Variants in MRTFA observed in about 807,000 individuals in gnomAD.
MRTFA encodes myocardin related transcription factor A, also known as myocardin-related transcription factor A.
Under a neutral mutation model 83.5 loss-of-function variants are expected in MRTFA, and 20 were observed. The observed-to-expected ratio is 0.24, with a 90% CI of 0.17 to 0.35. The LOEUF is 0.35. Among genes scored for constraint, MRTFA ranks in the 10% least tolerant of loss-of-function variants. The probability of loss-of-function intolerance (pLI) is 1.00; values close to 1 mark genes in which losing one functional copy is unlikely to be tolerated. For synonymous variants in MRTFA, 659 were observed against 541.2 expected (o/e 1.22, Z -3.02); for missense variants, 1,200 against 1,224.7 (o/e 0.98, Z 0.30).
intron 3 of MRTFA, among the ~76,000 whole-genome samples, chr22:40,538,990 G>GTTTTTTTTTTTTTTTTTTTTTTTTTT (rs1329210578): frequency 8.4e-6 from 1 of 119,326 alleles, no homozygotes; most frequent in Non-Finnish European, 1.6e-5. Context: ...ACAGCCTTTT[G>GTTTTTTTTTTTTTTTTTTTTTTTTTT]TTTTTTTTTT....
Position 40,411,586 on chromosome 22 carries a change from T to C in MRTFA, c.2900A>G (p.His967Arg), listed in dbSNP as rs746103344. The C allele has an allele frequency of 6.2e-7, 1 of 1,613,802 alleles. No homozygotes were observed. Among genetic ancestry groups the C allele is most frequent in the East Asian group, 2.2e-5 (1 of 44,874 alleles). The change falls in exon 15 of 15, where the codon CAC (histidine) becomes CGC (arginine). Residue 967 changes from histidine to arginine, a missense_variant. By Grantham distance (29) the His-to-Arg change is conservative (BLOSUM62 0). Transcript: ENST00000355630. ...GGTGCTGCTGGGCTCAGGAACAAAGTGCAATTCCGAGGTGTCCATGGGTGA... is the reference window on the plus strand; with the variant it reads ...GGTGCTGCTGGGCTCAGGAACAAAGCGCAATTCCGAGGTGTCCATGGGTGA...
rs556267619 is a variant in MRTFA, at chr22:40,483,047, A to G, written c.242-19761T>C. On this transcript the variant is annotated intron_variant, in intron 3 of 14. Transcript: ENST00000355630. Reference sequence around the variant, plus strand: ...GCCACGGCACTCCAGCCTGAACAAGAGTGAGCCCGTCTCAAAAAAACAAAA... The same window carrying G: ...GCCACGGCACTCCAGCCTGAACAAGGGTGAGCCCGTCTCAAAAAAACAAAA... Among the ~76,000 whole-genome samples, 3 of 152,116 alleles carry G rather than the reference A, an allele frequency of 2.0e-5. No homozygotes were observed. The East Asian group carries it at 5.8e-4, about 30-fold the overall frequency.
intron 1 of MRTFA, among the ~76,000 whole-genome samples, chr22:40,611,464 C>T (rs1298257192): frequency 1.3e-5 from 2 of 151,816 alleles, no homozygotes; most frequent in African/African-American, 4.8e-5. Flanking sequence ...AGGCTGGTCT[C>T]GAATTCCCAG....
chr22:40,594,189 A>T (rs964688649), intron 2 of MRTFA, among the ~76,000 whole-genome samples: 5 of 152,234 alleles, frequency 3.3e-5, no homozygotes, highest in African/African-American at 9.6e-5. Context: ...CAAAATTTAC[A>T]GTTGCCAGTA....
At chr22:40,446,623 G>C (rs1888187891) in intron 4 of MRTFA, among the ~76,000 whole-genome samples, 1 of 152,192 alleles carries the variant, frequency 6.6e-6, no homozygotes. Flanking sequence ...TAACAGTGGG[G>C]AAGTCAGGCA....
At chr22:40,441,295 T>C (rs377389692) in intron 4 of MRTFA, among the ~76,000 whole-genome samples, 21 of 152,286 alleles carry the variant, frequency 1.4e-4, no homozygotes, top group African/African-American at 4.8e-4. Flanking sequence ...AGGTGTGCCA[T>C]TCTTAATCAC....
intron 9 of MRTFA, among the ~76,000 whole-genome samples, chr22:40,421,796 CAG>C: frequency 6.6e-6 from 1 of 152,228 alleles, no homozygotes; most frequent in African/African-American, 2.4e-5. Flanking sequence ...AAGGGAGTGC[CAG>C]AGAGAGACCA....
In MRTFA at chr22:40,420,897, C is replaced by G. The variant is rs756366269; in HGVS notation, c.1131G>C (p.Gln377His). ...GGTAGTTGTGGTGCTGCTGCTGCTG[C>G]TGGTTGAGGATCTGCAGCTGGAGGA... The change falls in exon 10 of 15, where the codon CAG becomes CAC. Residue 377 changes from glutamine (Q) to histidine (H), a missense_variant. Transcript: ENST00000355630. The G allele has an allele frequency of 1.9e-6, 3 of 1,613,838 alleles. No homozygotes were observed. The highest frequency in any genetic ancestry group is 1.7e-6 in the Non-Finnish European group (2 of 1,179,930).
rs1207265764 is a variant in MRTFA at position 40,420,434 on chromosome 22, C to A, written c.1324G>T (p.Ala442Ser). 6.2e-7 allele frequency: 1 copy of A among 1,613,654 alleles called. No homozygotes were observed. Among genetic ancestry groups the A allele is most frequent in the East Asian group, 2.2e-5 (1 of 44,886 alleles). The change falls in exon 11 of 15, where the codon GCC becomes TCC. Residue 442 changes from alanine (A) to serine (S), a missense_variant. Ala to Ser is a moderately conservative substitution (Grantham distance 99). Around this residue, in one of 2 missense-constraint regions of MRTFA, gnomAD observed 1,107 missense variants for 1,041.8 expected, o/e 1.06. Coordinates refer to ENST00000355630, the MANE Select transcript of MRTFA (RefSeq NM_020831.6). ...ATGTCGTCCAGGTTGGCCGGCAGGG[C>A]TCCCGGCTTGCCAGTCAGTGAGGTG...
intron 1 of MRTFA, among the ~76,000 whole-genome samples, chr22:40,609,482 CAAAAAA>C (rs148106089): frequency 1.4e-5 from 1 of 69,722 alleles, no homozygotes; most frequent in Non-Finnish European, 2.5e-5. Context: ...GTCTCTTTAA[CAAAAAA>C]AAAAAAAAAA....
At chr22:40,459,211 G>A (rs1346578362) in intron 4 of MRTFA, among the ~76,000 whole-genome samples, 1 of 146,082 alleles carries the variant, frequency 6.8e-6, no homozygotes, top group African/African-American at 2.6e-5. Flanking sequence ...AGTGGTGAGG[G>A]AGGGTTACTC....
chr22:40,500,442 G>A (rs1393817671), intron 3 of MRTFA, among the ~76,000 whole-genome samples: 2 of 144,366 alleles, frequency 1.4e-5, no homozygotes, highest in African/African-American at 5.1e-5. Context: ...TTCTCACAGA[G>A]GGGGATTTGG....
chr22:40,459,591 C>T (rs933266086), intron 4 of MRTFA, among the ~76,000 whole-genome samples: 1 of 151,572 alleles, frequency 6.6e-6, no homozygotes, highest in African/African-American at 2.4e-5. Flanking sequence ...AATCCGGGCT[C>T]CTGACAGAAT....
chr22:40,411,130 ATGGCCC>A lies in MRTFA; in HGVS notation c.*254_*259del, dbSNP rs939289769. On this transcript the variant is annotated 3_prime_UTR_variant, in exon 15 of 15. Coordinates refer to ENST00000355630, the MANE Select transcript of MRTFA (RefSeq NM_020831.6). Reference sequence around the variant, plus strand: ...CCTCAAAAAAGGAGGTCAAGCTGAAATGGCCCTGACCCTGACCGTGTGTCCAAAACC... The same window carrying A: ...CCTCAAAAAAGGAGGTCAAGCTGAAATGACCCTGACCGTGTGTCCAAAACC... 5.4e-6 allele frequency: 2 copies of A among 371,626 alleles called. No homozygotes were observed. Among genetic ancestry groups the A allele is most frequent in the African/African-American group, 2.1e-5 (1 of 48,676 alleles). 23.0% of individuals were successfully genotyped at this position (371,626 alleles called of 1,614,324 possible).
intron 3 of MRTFA, among the ~76,000 whole-genome samples, chr22:40,476,114 A>G (rs986407758): frequency 2.0e-5 from 3 of 149,578 alleles, no homozygotes; most frequent in Non-Finnish European, 4.5e-5. Flanking sequence ...ACTGCACTCC[A>G]ACCTGGGCGA....
At chr22:40,621,067 G>A (rs1379028718) in intron 1 of MRTFA, among the ~76,000 whole-genome samples, 1 of 151,970 alleles carries the variant, frequency 6.6e-6, no homozygotes, top group Non-Finnish European at 1.5e-5. Flanking sequence ...TGTAGCCCCA[G>A]CTACTCAGGA....
chr22:40,632,450 A>AT (rs939920142), intron 1 of MRTFA, among the ~76,000 whole-genome samples: 75 of 143,818 alleles, frequency 5.2e-4, no homozygotes, highest in African/African-American at 7.7e-4. Context: ...CTCCCAGATA[A>AT]TTTTTTTTTT....
intron 3 of MRTFA, among the ~76,000 whole-genome samples, chr22:40,488,770 T>C (rs1490036811): frequency 1.3e-5 from 2 of 151,632 alleles, no homozygotes; most frequent in East Asian, 1.9e-4. Context: ...GACATGGAAG[T>C]TGCAGTGAGC....
intron 3 of MRTFA, among the ~76,000 whole-genome samples, chr22:40,520,916 T>C (rs1314532387): frequency 6.6e-6 from 1 of 152,206 alleles, no homozygotes; most frequent in Non-Finnish European, 1.5e-5. Context: ...CTAGGATATA[T>C]ATCTAGAAGT....
Sources: allele counts gnomAD v4.1 joint callset (sites outside exome capture counted in the v4.1 genomes callset), GRCh38; gene constraint gnomAD v4.1.1; regional missense constraint gnomAD v4.1.1; transcripts MANE v1.5; gene names NCBI Gene and HGNC (gene_info 2026-07-23, HGNC 2026-07-21).